The following TNIK variants were observed in gnomAD, a reference collection of about 807,000 sequenced individuals.
TNIK encodes the protein TRAF2 and NCK-interacting protein kinase.
Under a neutral mutation model 191.3 loss-of-function variants are expected in TNIK, and 49 were observed. The observed-to-expected ratio is 0.26, with a 90% CI of 0.20 to 0.32. The LOEUF (loss-of-function observed/expected upper bound fraction) is 0.32, where lower values mean the gene tolerates loss of function less well. Ranked by LOEUF, TNIK falls within the 10% of genes least tolerant of loss-of-function variation. TNIK has a pLI of 1.00. For synonymous variants in TNIK, 594 were observed against 600.9 expected (o/e 0.99, Z 0.17); for missense variants, 1,155 against 1,702.3 (o/e 0.68, Z 5.66).
At chr3:171,304,612 A>C (rs111228031) in intron 2 of TNIK, among the ~76,000 whole-genome samples, 7,423 of 152,262 alleles carry the variant, frequency 0.049, 597 homozygotes, top group African/African-American at 0.17. Flanking sequence ...AACCAACCCA[A>C]ATGTCCAACC....
intron 18 of TNIK, among the ~76,000 whole-genome samples, chr3:171,115,284 CT>C (rs1726502623): frequency 6.6e-6 from 1 of 152,154 alleles, no homozygotes; most frequent in Non-Finnish European, 1.5e-5. Flanking sequence ...TGTAGCACTC[CT>C]TTGATTATTT....
chr3:171,396,757 A>G (rs944122676), intron 1 of TNIK, among the ~76,000 whole-genome samples: 3 of 152,212 alleles, frequency 2.0e-5, no homozygotes, highest in African/African-American at 7.2e-5. Context: ...CTTAGTAGAA[A>G]CAAGGCTCTT....
chr3:171,253,395 T>TC (rs1178036482), intron 2 of TNIK, among the ~76,000 whole-genome samples: 1 of 151,534 alleles, frequency 6.6e-6, no homozygotes, highest in Non-Finnish European at 1.5e-5. Context: ...CAGGCACCCC[T>TC]CACTCTGGCT....
intron 2 of TNIK, among the ~76,000 whole-genome samples, chr3:171,349,305 G>T (rs1250614955): frequency 6.6e-6 from 1 of 152,160 alleles, no homozygotes; most frequent in Admixed American, 6.5e-5. Context: ...ACACTGGCAA[G>T]AGAGCAAGAA....
chr3:171,407,367 C>G (rs1721830897), intron 1 of TNIK, among the ~76,000 whole-genome samples: 1 of 152,164 alleles, frequency 6.6e-6, no homozygotes, highest in South Asian at 2.1e-4. Context: ...TTATCCGCTC[C>G]AAATTTAGAA....
At chr3:171,413,616 T>A (rs1462356873) in intron 1 of TNIK, among the ~76,000 whole-genome samples, 3 of 152,186 alleles carry the variant, frequency 2.0e-5, no homozygotes, top group Non-Finnish European at 2.9e-5. Flanking sequence ...TTGGCCCCCA[T>A]TAATCCATTT....
chr3:171,145,086 CTCTTT>C (rs1159090245), intron 12 of TNIK, among the ~76,000 whole-genome samples: 7 of 113,908 alleles, frequency 6.1e-5, no homozygotes, highest in South Asian at 3.1e-4. Context: ...AGCTATCTCT[CTCTTT>C]TTTTTTTTTT....
Position 171,087,399 on chromosome 3 carries a change from C to T in TNIK, c.2829G>A (p.Pro943=), listed in dbSNP as rs773992715. The part of the protein sequence containing the change: ...VQQSHSPAGT[P]TEGLGRVSTH... ...TTGAGACGCGCCCCAGTCCCTCAGTCGGGGTTCCAGCTGGAGAATGGCTCT... is the reference window on the plus strand; with the variant it reads ...TTGAGACGCGCCCCAGTCCCTCAGTTGGGGTTCCAGCTGGAGAATGGCTCT... Residue 943 remains proline, a synonymous_variant, in exon 24 of 33, where the codon CCG becomes CCA. Coordinates refer to ENST00000436636, the MANE Select transcript of TNIK (RefSeq NM_015028.4). 5.6e-6 allele frequency: 9 copies of T among 1,613,988 alleles called. No homozygotes were observed. The highest frequency in any genetic ancestry group is 2.2e-5 in the East Asian group (1 of 44,884).
At chr3:171,441,854 G>T (rs1438400396) in intron 1 of TNIK, among the ~76,000 whole-genome samples, 1 of 152,092 alleles carries the variant, frequency 6.6e-6, no homozygotes, top group Non-Finnish European at 1.5e-5. Context: ...AGCATCCCCT[G>T]GATAAAGGTT....
intron 2 of TNIK, among the ~76,000 whole-genome samples, chr3:171,280,869 A>T (rs531160275): frequency 6.6e-6 from 1 of 152,300 alleles, no homozygotes; most frequent in East Asian, 1.9e-4. Flanking sequence ...CTCTATTACT[A>T]TATGTTACTA....
chr3:171,312,132 A>AGGC (rs1754095532), intron 2 of TNIK, among the ~76,000 whole-genome samples: 1 of 144,946 alleles, frequency 6.9e-6, no homozygotes, highest in Non-Finnish European at 1.5e-5. Context: ...AAAAAAAAAA[A>AGGC]AAAAAAAAAG....
chr3:171,295,010 A>G (rs1214707328), intron 2 of TNIK, among the ~76,000 whole-genome samples: 2 of 150,190 alleles, frequency 1.3e-5, no homozygotes, highest in African/African-American at 4.9e-5. Context: ...CAGGGAAGAG[A>G]GAGAGAGAGA....
chr3:171,106,065 G>A (rs1410568450), intron 21 of TNIK, among the ~76,000 whole-genome samples: 3 of 152,124 alleles, frequency 2.0e-5, no homozygotes, highest in Non-Finnish European at 2.9e-5. Context: ...GATCATAACT[G>A]TCTCGTCACT....
At chr3:171,358,889 ATAAT>A (rs1714555015) in intron 2 of TNIK, among the ~76,000 whole-genome samples, 1 of 152,158 alleles carries the variant, frequency 6.6e-6, no homozygotes. Flanking sequence ...CACCACCTCT[ATAAT>A]TAAGTTTTAA....
rs80337727 is a variant in TNIK, at chr3:171,189,244, G to A, written c.509-412C>T. On this transcript the variant is annotated intron_variant, in intron 6 of 32. Transcript: ENST00000436636. ...TCAAGGTTCATCCACGTTGCAGCAT[G>A]TGTTAGAATTTCCTTCCTTCTCAAG... Among the ~76,000 whole-genome samples the A allele has an allele frequency of 6.6e-3, 1,005 of 152,290 alleles. 7 individuals carry two copies. The highest frequency in any genetic ancestry group is 0.023 in the African/African-American group (943 of 41,560).
At chr3:171,453,860 A>G (rs1220586968) in intron 1 of TNIK, among the ~76,000 whole-genome samples, 1 of 152,166 alleles carries the variant, frequency 6.6e-6, no homozygotes, top group Non-Finnish European at 1.5e-5. Context: ...CAGGACATGT[A>G]AAAAAGAGTG....
chr3:171,379,965 C>A (rs1041847270), intron 1 of TNIK, among the ~76,000 whole-genome samples: 1 of 151,920 alleles, frequency 6.6e-6, no homozygotes, highest in Non-Finnish European at 1.5e-5. Context: ...GCTGAGATCA[C>A]GCCACTGCAC....
At chr3:171,212,883 A>G (rs1329681572) in intron 3 of TNIK, among the ~76,000 whole-genome samples, 1 of 140,408 alleles carries the variant, frequency 7.1e-6, no homozygotes, top group Non-Finnish European at 1.5e-5. Flanking sequence ...AAGCTTTAGG[A>G]AAAAACAAAG....
At chr3:171,194,182 T>A (rs915567177) in intron 5 of TNIK, among the ~76,000 whole-genome samples, 1 of 152,190 alleles carries the variant, frequency 6.6e-6, no homozygotes, top group Non-Finnish European at 1.5e-5. Context: ...CATAAAATAA[T>A]TCATTTCCTA....
Sources: allele counts gnomAD v4.1 joint callset (sites outside exome capture counted in the v4.1 genomes callset), GRCh38; gene constraint gnomAD v4.1.1; transcripts MANE v1.5; gene names NCBI Gene and HGNC (gene_info 2026-07-23, HGNC 2026-07-21).